Variants in HS6ST3 observed in about 807,000 individuals in gnomAD.
The protein encoded by HS6ST3 is heparan sulfate 6-O-sulfotransferase 3.
Under a neutral mutation model 36.7 loss-of-function variants are expected in HS6ST3, and 12 were observed. The ratio of observed to expected loss-of-function variants is 0.33; its 90% CI spans 0.21 to 0.53. The LOEUF is 0.53. Ranked by LOEUF, HS6ST3 falls within the 20% of genes least tolerant of loss-of-function variation. The probability of loss-of-function intolerance (pLI) is 0.95; values close to 1 mark genes in which losing one functional copy is unlikely to be tolerated. For synonymous variants in HS6ST3, 240 were observed against 257.5 expected (o/e 0.93, Z 0.65); for missense variants, 584 against 640.9 (o/e 0.91, Z 0.96).
chr13:96,160,823 A>G (rs1332401032), intron 1 of HS6ST3, among the ~76,000 whole-genome samples: 1 of 152,236 alleles, frequency 6.6e-6, no homozygotes. Flanking sequence ...AAGTAAATGC[A>G]GTGAAAGACG....
intron 1 of HS6ST3, among the ~76,000 whole-genome samples, chr13:96,268,471 A>G (rs1344043099): frequency 1.3e-5 from 2 of 151,852 alleles, no homozygotes; most frequent in African/African-American, 4.9e-5. Context: ...ACCCCCATCA[A>G]TTACCTCCAA....
intron 1 of HS6ST3, among the ~76,000 whole-genome samples, chr13:96,722,783 T>A (rs959062243): frequency 6.6e-6 from 1 of 152,010 alleles, no homozygotes; most frequent in East Asian, 1.9e-4. Flanking sequence ...TCAAGACTAG[T>A]CTCAGCAACA....
chr13:96,583,219 T>TTA, intron 1 of HS6ST3, among the ~76,000 whole-genome samples: 1 of 118,042 alleles, frequency 8.5e-6, no homozygotes, highest in South Asian at 3.3e-4. Context: ...TTTTTTTTTT[T>TTA]TTTTTTTTTT....
chr13:96,702,389 C>T (rs1160418295), intron 1 of HS6ST3, among the ~76,000 whole-genome samples: 1 of 152,126 alleles, frequency 6.6e-6, no homozygotes, highest in African/African-American at 2.4e-5. Context: ...CTGGCTGGCC[C>T]TTTGGGGACA....
At chr13:96,437,062 G>A (rs980191721) in intron 1 of HS6ST3, among the ~76,000 whole-genome samples, 1 of 152,124 alleles carries the variant, frequency 6.6e-6, no homozygotes, top group Admixed American at 6.6e-5. Context: ...GGCTGTAGTA[G>A]CTACCAAATA....
intron 1 of HS6ST3, among the ~76,000 whole-genome samples, chr13:96,659,560 A>G (rs1477165575): frequency 4.6e-5 from 7 of 152,168 alleles, no homozygotes; most frequent in African/African-American, 9.6e-5. Context: ...ATTAATGAAG[A>G]AATAGATTTC....
chr13:96,437,000 G>C (rs770525585), intron 1 of HS6ST3, among the ~76,000 whole-genome samples: 11 of 151,982 alleles, frequency 7.2e-5, no homozygotes, highest in Non-Finnish European at 1.5e-4. Context: ...AACCCTTCTG[G>C]CTTTCCTCAC....
intron 1 of HS6ST3, among the ~76,000 whole-genome samples, chr13:96,474,222 C>G (rs988365516): frequency 9.9e-5 from 15 of 152,044 alleles, no homozygotes; most frequent in Admixed American, 9.8e-4. Flanking sequence ...AAGCACAGTA[C>G]TGAGAGTGAC....
intron 1 of HS6ST3, among the ~76,000 whole-genome samples, chr13:96,788,997 G>T: frequency 6.6e-6 from 1 of 151,614 alleles, no homozygotes; most frequent in Non-Finnish European, 1.5e-5. Flanking sequence ...TTGGTGTGTA[G>T]ACTATTTACA....
At chr13:96,810,588 A>G (rs1234985755) in intron 1 of HS6ST3, among the ~76,000 whole-genome samples, 1 of 152,202 alleles carries the variant, frequency 6.6e-6, no homozygotes, top group African/African-American at 2.4e-5. Context: ...AAAGGAAGTA[A>G]AGTTCCAGAA....
chr13:96,573,584 T>C (rs1378988341), intron 1 of HS6ST3: 3 of 204,592 alleles, frequency 1.5e-5, no homozygotes, highest in African/African-American at 7.2e-5. Context: ...AACTTTCTGA[T>C]TTCAGGGTCT....
At chr13:96,143,961 G>A (rs1463516676) in intron 1 of HS6ST3, among the ~76,000 whole-genome samples, 1 of 152,114 alleles carries the variant, frequency 6.6e-6, no homozygotes, top group Non-Finnish European at 1.5e-5. Context: ...ATGTACTGTT[G>A]ATTTTAATTT....
chr13:96,714,158 TAAAAG>T (rs1183967372), intron 1 of HS6ST3, among the ~76,000 whole-genome samples: 2 of 152,030 alleles, frequency 1.3e-5, no homozygotes, highest in Non-Finnish European at 2.9e-5. Context: ...CTCCAAACCT[TAAAAG>T]AAAACATTGA....
chr13:96,298,368 T>C (rs993935664), intron 1 of HS6ST3, among the ~76,000 whole-genome samples: 2 of 152,098 alleles, frequency 1.3e-5, no homozygotes, highest in African/African-American at 4.8e-5. Flanking sequence ...AATGGTGAAA[T>C]TGAAAGATGG....
chr13:96,715,597 C>G (rs1235252175), intron 1 of HS6ST3, among the ~76,000 whole-genome samples: 1 of 151,940 alleles, frequency 6.6e-6, no homozygotes, highest in Non-Finnish European at 1.5e-5. Flanking sequence ...GTACCACTTC[C>G]CAGAGGCAAC....
intron 1 of HS6ST3, among the ~76,000 whole-genome samples, chr13:96,743,810 C>A (rs1351397764): frequency 1.3e-5 from 2 of 152,032 alleles, no homozygotes; most frequent in Non-Finnish European, 2.9e-5. Context: ...AGGCATATCA[C>A]AGGAAATGTT....
chr13:96,439,739 TA>T (rs2055661254), intron 1 of HS6ST3, among the ~76,000 whole-genome samples: 1 of 152,230 alleles, frequency 6.6e-6, no homozygotes, highest in Admixed American at 6.5e-5. Flanking sequence ...CTGTTAGTGC[TA>T]ACGCAGTACA....
At chr13:96,591,169 A>G (rs1162242646) in intron 1 of HS6ST3, among the ~76,000 whole-genome samples, 1 of 151,504 alleles carries the variant, frequency 6.6e-6, no homozygotes, top group Non-Finnish European at 1.5e-5. Context: ...CATAGCTTTG[A>G]CTATTCTGAG....
chr13:96,570,568 C>G (rs928210679), intron 1 of HS6ST3, among the ~76,000 whole-genome samples: 12 of 152,210 alleles, frequency 7.9e-5, no homozygotes, highest in Admixed American at 2.6e-4. Flanking sequence ...TCATCATACA[C>G]AAATCTATGC....
Sources: allele counts gnomAD v4.1 joint callset (sites outside exome capture counted in the v4.1 genomes callset), GRCh38; gene constraint gnomAD v4.1.1; transcripts MANE v1.5; gene names NCBI Gene and HGNC (gene_info 2026-07-23, HGNC 2026-07-21).